Variants in RBFOX1 observed in about 807,000 individuals in gnomAD.
RBFOX1 encodes the protein RNA binding protein fox-1 homolog 1.
A neutral mutation model predicts 57.7 loss-of-function variants in RBFOX1; 8 were observed. The ratio of observed to expected loss-of-function variants is 0.14; its 90% CI spans 0.08 to 0.25. The LOEUF is 0.25. RBFOX1 is among the 10% of genes least tolerant of loss of function. The pLI is 1.00. For missense variants in RBFOX1, 611 were observed against 548.5 expected, an observed-to-expected ratio of 1.11 and a Z score of -1.14; for synonymous variants, 326 against 222.4, an observed-to-expected ratio of 1.47 and a Z score of -4.15.
chr16:7,417,439 T>C (rs1017511495), intron 4 of RBFOX1, among the ~76,000 whole-genome samples: 2 of 151,044 alleles, frequency 1.3e-5, no homozygotes, highest in African/African-American at 4.9e-5. Context: ...GGTAACATCT[T>C]ATATAACCAA....
intron 4 of RBFOX1, among the ~76,000 whole-genome samples, chr16:7,466,235 G>C (rs1439882981): frequency 2.6e-5 from 4 of 152,210 alleles, no homozygotes; most frequent in Non-Finnish European, 5.9e-5. Context: ...AATCCTTACA[G>C]CTCTACTCTG....
chr16:5,409,912 G>C (rs1274576808), intron 1 of RBFOX1, among the ~76,000 whole-genome samples: 1 of 152,028 alleles, frequency 6.6e-6, no homozygotes, highest in Admixed American at 6.5e-5. Flanking sequence ...GCTGGGCATC[G>C]TGGCGGACAC....
At chr16:6,068,097 A>AT (rs35163332) in intron 1 of RBFOX1, among the ~76,000 whole-genome samples, 72,542 of 151,660 alleles carry the variant, frequency 0.48, 17,415 homozygotes, top group East Asian at 0.53. Flanking sequence ...CTCTTCATTC[A>AT]TTTTTTTGTC....
At chr16:6,973,768 G>A (rs564925920) in intron 3 of RBFOX1, among the ~76,000 whole-genome samples, 1 of 152,194 alleles carries the variant, frequency 6.6e-6, no homozygotes, top group Non-Finnish European at 1.5e-5. Context: ...CCATTAACCG[G>A]TAGTTTTTAA....
chr16:6,677,815 T>G (rs982289135), intron 3 of RBFOX1, among the ~76,000 whole-genome samples: 1 of 152,138 alleles, frequency 6.6e-6, no homozygotes, highest in Non-Finnish European at 1.5e-5. Flanking sequence ...TGGCAGAGCT[T>G]TTTATGTATC....
intron 5 of RBFOX1, among the ~76,000 whole-genome samples, chr16:7,561,260 A>C (rs896542944): frequency 6.6e-6 from 1 of 152,202 alleles, no homozygotes; most frequent in Non-Finnish European, 1.5e-5. Context: ...ATTTGTTTAC[A>C]TATTACCCCA....
At chr16:6,407,129 C>T (rs1056369252) in intron 2 of RBFOX1, among the ~76,000 whole-genome samples, 7 of 152,108 alleles carry the variant, frequency 4.6e-5, no homozygotes, top group African/African-American at 1.4e-4. Context: ...GGCCAGTCAT[C>T]CATTTGCCTA....
At chr16:7,159,133 C>T (rs1160758993) in intron 4 of RBFOX1, among the ~76,000 whole-genome samples, 2 of 152,050 alleles carry the variant, frequency 1.3e-5, no homozygotes, top group African/African-American at 4.8e-5. Flanking sequence ...CCTTTGGAGA[C>T]TGGCTTCTTT....
At chr16:5,308,284 G>A (rs574502229) in intron 1 of RBFOX1, among the ~76,000 whole-genome samples, 9 of 151,544 alleles carry the variant, frequency 5.9e-5, no homozygotes, top group Middle Eastern at 6.8e-3. Flanking sequence ...CTGAGATTGC[G>A]CCACTACACT....
chr16:6,194,632 C>G lies in RBFOX1; in HGVS notation c.-126-122363C>G, dbSNP rs141088898. On this transcript the variant is annotated intron_variant, in intron 1 of 15. Transcript: ENST00000550418. Reference sequence around the variant, plus strand: ...CTTCTAACTCTCGATTCAGAGGCAGCCTTCCTCCAGGCATTCTTTCCCTGA... The same window carrying G: ...CTTCTAACTCTCGATTCAGAGGCAGGCTTCCTCCAGGCATTCTTTCCCTGA... Among the ~76,000 whole-genome samples the G allele has an allele frequency of 1.4e-4, 22 of 152,312 alleles. No homozygotes were observed. The East Asian group carries it at 3.7e-3, about 25-fold the overall frequency.
intron 2 of RBFOX1, among the ~76,000 whole-genome samples, chr16:6,402,849 G>A (rs1341049484): frequency 6.6e-6 from 1 of 152,182 alleles, no homozygotes; most frequent in Non-Finnish European, 1.5e-5. Context: ...ATTCATGTGG[G>A]AAGAATTTAA....
intron 2 of RBFOX1, among the ~76,000 whole-genome samples, chr16:6,480,568 CAG>C (rs1567375258): frequency 6.6e-6 from 1 of 152,164 alleles, no homozygotes; most frequent in Non-Finnish European, 1.5e-5. Flanking sequence ...TGTACAGAAA[CAG>C]AGAATGGCTG....
intron 14 of RBFOX1, among the ~76,000 whole-genome samples, chr16:7,687,559 A>T (rs958955942): frequency 5.9e-5 from 9 of 152,048 alleles, no homozygotes; most frequent in African/African-American, 1.9e-4. Flanking sequence ...TCTGCATATT[A>T]TGTTTAATAT....
At chr16:6,457,977 G>A (rs1483304364) in intron 2 of RBFOX1, among the ~76,000 whole-genome samples, 1 of 149,578 alleles carries the variant, frequency 6.7e-6, no homozygotes, top group Non-Finnish European at 1.5e-5. Context: ...AGATGCGTGT[G>A]CACACACATA....
intron 3 of RBFOX1, among the ~76,000 whole-genome samples, chr16:6,902,887 C>G (rs1444712609): frequency 3.3e-5 from 5 of 152,186 alleles, no homozygotes; most frequent in Admixed American, 3.3e-4. Context: ...ATTGACTAAG[C>G]TCCTACTTTA....
chr16:7,575,026 G>A (rs1046602624), intron 5 of RBFOX1, among the ~76,000 whole-genome samples: 2 of 144,858 alleles, frequency 1.4e-5, no homozygotes, highest in Non-Finnish European at 3.0e-5. Flanking sequence ...ATATGTCCTT[G>A]TCTTCCATAA....
rs530906165 is a variant in RBFOX1, at chr16:7,356,101, C to T, written c.28-162046C>T. Among the ~76,000 whole-genome samples, 74 of 152,266 alleles carry T rather than the reference C, an allele frequency of 4.9e-4. 1 individual carries two copies. Among genetic ancestry groups the T allele is most frequent in the African/African-American group, 1.6e-3 (68 of 41,560 alleles). ...CCTGGTGCTCCAATGCATTGATTGA[C>T]GCATTGTCATCACTTATAAGGTCAG... On this transcript the variant is annotated intron_variant, in intron 4 of 15. Coordinates refer to ENST00000550418, the MANE Select transcript of RBFOX1 (RefSeq NM_018723.4).
chr16:6,131,076 A>G lies in RBFOX1; in HGVS notation c.-127+111084A>G, dbSNP rs532223806. Among the ~76,000 whole-genome samples the G allele has an allele frequency of 3.3e-4, 51 of 152,324 alleles. 1 individual carries two copies. The highest frequency in any genetic ancestry group is 1.2e-3 in the African/African-American group (49 of 41,590). On this transcript the variant is annotated intron_variant, in intron 1 of 15. Transcript: ENST00000550418. The stretch of plus-strand genomic sequence containing the variant: ...GCATGCATACTCTATGTTTCCATTT[A>G]TATGATGCTCAAGAGTAGAAAAAAC...
In RBFOX1 at chr16:6,045,622, G is replaced by A. The variant is rs186838786; in HGVS notation, c.-127+25630G>A. Among the ~76,000 whole-genome samples the A allele has an allele frequency of 2.0e-5, 3 of 152,248 alleles. No homozygotes were observed. In the East Asian group the frequency reaches 5.8e-4, roughly 29 times the overall value. The stretch of plus-strand genomic sequence containing the variant: ...ATAAATCAATGACAAAGATAAATGA[G>A]GTTCTTGACCTTGGCTATTCCAGTG... On this transcript the variant is annotated intron_variant, in intron 1 of 15. Transcript: ENST00000550418.
Sources: allele counts gnomAD v4.1 joint callset (sites outside exome capture counted in the v4.1 genomes callset), GRCh38; gene constraint gnomAD v4.1.1; transcripts MANE v1.5; gene names NCBI Gene and HGNC (gene_info 2026-07-23, HGNC 2026-07-21).